Variants in C8orf88 observed in about 807,000 individuals in gnomAD.
C8orf88 encodes chromosome 8 open reading frame 88, also known as uncharacterized protein C8orf88.
A neutral mutation model predicts 18.4 loss-of-function variants in C8orf88; 14 were observed. The ratio of observed to expected loss-of-function variants is 0.76; its 90% CI spans 0.50 to 1.19. C8orf88 has a LOEUF of 1.19. Among genes scored for constraint, C8orf88 ranks in the 50% most tolerant of loss-of-function variants. The probability of loss-of-function intolerance (pLI) is 0.00; values close to 1 mark genes in which losing one functional copy is unlikely to be tolerated. For synonymous variants in C8orf88, 45 were observed against 42.9 expected, an observed-to-expected ratio of 1.05 and a Z score of -0.19; for missense variants, 116 against 134.7, an observed-to-expected ratio of 0.86 and a Z score of 0.69.
At chr8:90,982,563 G>A (rs561491209) in intron 1 of C8orf88, among the ~76,000 whole-genome samples, 1 of 152,148 alleles carries the variant, frequency 6.6e-6, no homozygotes, top group Admixed American at 6.5e-5. Flanking sequence ...ATTCAAACTA[G>A]GGATTTTCAA....
At chr8:90,984,148 A>T (rs1000331627) in intron 1 of C8orf88, among the ~76,000 whole-genome samples, 1 of 152,192 alleles carries the variant, frequency 6.6e-6, no homozygotes, top group Non-Finnish European at 1.5e-5. Flanking sequence ...TATAAATTCT[A>T]GTCTTCTTTG....
chr8:90,963,986 T>A lies in C8orf88; in HGVS notation c.224-3138A>T, dbSNP rs189326998. Among the ~76,000 whole-genome samples the A allele has an allele frequency of 1.7e-3, 259 of 151,766 alleles. 1 individual carries two copies. The highest frequency in any genetic ancestry group is 6.1e-3 in the African/African-American group (252 of 41,496). On this transcript the variant is annotated intron_variant, in intron 4 of 5. Coordinates refer to ENST00000517562, the MANE Select transcript of C8orf88 (RefSeq NM_001190972.2). ...GAAGTTCAACAAACTACAAATAGAA[T>A]GCAGACAACCCCCAACTTATGATGG...
At chr8:90,981,784 G>A (rs1228826174) in intron 1 of C8orf88, among the ~76,000 whole-genome samples, 1 of 152,040 alleles carries the variant, frequency 6.6e-6, no homozygotes, top group African/African-American at 2.4e-5. Context: ...ACTAAAATCT[G>A]ACACCTGTAT....
chr8:90,972,730 A>C (rs1811300146), intron 3 of C8orf88, among the ~76,000 whole-genome samples: 1 of 152,124 alleles, frequency 6.6e-6, no homozygotes, highest in Admixed American at 6.6e-5. Context: ...GAGTTTGGTG[A>C]CCAAGCCAAA....
At chr8:90,981,559 AATTCCTCCTTCCTTAC>A (rs1811435774) in intron 1 of C8orf88, among the ~76,000 whole-genome samples, 1 of 152,258 alleles carries the variant, frequency 6.6e-6, no homozygotes, top group South Asian at 2.1e-4. Flanking sequence ...CAATAATAAT[AATTCCTCCTTCCTTAC>A]ATTCCTCCTT....
chr8:90,974,602 T>C (rs1322147044), intron 3 of C8orf88, among the ~76,000 whole-genome samples: 3 of 152,114 alleles, frequency 2.0e-5, no homozygotes, highest in African/African-American at 7.2e-5. Flanking sequence ...TAAGCCAAAA[T>C]TTTCAAATAC....
intron 4 of C8orf88, among the ~76,000 whole-genome samples, chr8:90,961,467 G>C (rs1169956718): frequency 6.7e-6 from 1 of 150,048 alleles, no homozygotes; most frequent in Non-Finnish European, 1.5e-5. Flanking sequence ...TGTGCTAAAA[G>C]AAAAGAACGG....
intron 3 of C8orf88, among the ~76,000 whole-genome samples, chr8:90,976,459 AAAG>A (rs1336765068): frequency 6.6e-6 from 1 of 152,122 alleles, no homozygotes; most frequent in East Asian, 1.9e-4. Flanking sequence ...ATATAAAGTG[AAAG>A]AAGGTCAATG....
intron 3 of C8orf88, among the ~76,000 whole-genome samples, chr8:90,975,009 G>A (rs1307660493): frequency 1.3e-5 from 2 of 151,986 alleles, no homozygotes; most frequent in African/African-American, 4.8e-5. Flanking sequence ...CAACAGTATC[G>A]AAATATCTGA....
chr8:90,977,478 A>T (rs979220228), intron 3 of C8orf88, among the ~76,000 whole-genome samples: 1 of 152,172 alleles, frequency 6.6e-6, no homozygotes, highest in Non-Finnish European at 1.5e-5. Context: ...ATATAGAAAC[A>T]AGCGCCCATC....
At chr8:90,976,009 C>T (rs778255341) in intron 3 of C8orf88, among the ~76,000 whole-genome samples, 4 of 150,482 alleles carry the variant, frequency 2.7e-5, no homozygotes, top group Non-Finnish European at 5.9e-5. Flanking sequence ...GAACCCAGCA[C>T]CAAGGAATAT....
rs114194227 is a variant in C8orf88 at position 90,973,924 on chromosome 8, A to G, written c.148-2783T>C. 1.7e-3 allele frequency among the ~76,000 whole-genome samples: 259 copies of G among 152,274 alleles called. 1 individual carries two copies. The highest frequency in any genetic ancestry group is 6.1e-3 in the African/African-American group (252 of 41,568). ...CTAGAATGAAAAGTTAAAGTGTGAG[A>G]TTTCTAGGCAATATCAAAAGACAAA... is the stretch of plus-strand genomic sequence containing the variant. On this transcript the variant is annotated intron_variant, in intron 3 of 5. Transcript: ENST00000517562.
At chr8:90,962,344 A>G (rs1586159456) in intron 4 of C8orf88, among the ~76,000 whole-genome samples, 1 of 151,722 alleles carries the variant, frequency 6.6e-6, no homozygotes, top group South Asian at 2.1e-4. Flanking sequence ...AAATCAATAA[A>G]GAAGAAAACA....
At chr8:90,960,077 C>A (rs573152294) in intron 5 of C8orf88, among the ~76,000 whole-genome samples, 3 of 151,490 alleles carry the variant, frequency 2.0e-5, no homozygotes, top group East Asian at 3.9e-4. Context: ...ACTACCGGTA[C>A]ACAGAATGGA....
chr8:90,963,526 G>T (rs1011183155), intron 4 of C8orf88, among the ~76,000 whole-genome samples: 4 of 151,710 alleles, frequency 2.6e-5, no homozygotes, highest in African/African-American at 7.3e-5. Flanking sequence ...CTTGTGAAAG[G>T]CTTTCAATAT....
intron 5 of C8orf88, chr8:90,959,260 C>G: frequency 3.8e-6 from 1 of 259,824 alleles, no homozygotes; most frequent in Non-Finnish European, 7.2e-6. Context: ...ACCTGTTCTT[C>G]TGTTTCTGTG....
In C8orf88 at chr8:90,974,189, G is replaced by C. The variant is rs991447986; in HGVS notation, c.148-3048C>G. ...TCTGTATCTCCTTCACTTAAATCTTGGCAAAATCTATGACTGCTCCTACCA... is the reference window on the plus strand; with the variant it reads ...TCTGTATCTCCTTCACTTAAATCTTCGCAAAATCTATGACTGCTCCTACCA... On this transcript the variant is annotated intron_variant, in intron 3 of 5. Transcript: ENST00000517562. Among the ~76,000 whole-genome samples the C allele has an allele frequency of 1.4e-4, 21 of 152,134 alleles. No homozygotes were observed. The Middle Eastern group carries it at 0.01, about 74-fold the overall frequency.
intron 1 of C8orf88, among the ~76,000 whole-genome samples, chr8:90,984,123 A>G (rs1015907035): frequency 6.6e-6 from 1 of 152,194 alleles, no homozygotes; most frequent in Non-Finnish European, 1.5e-5. Context: ...GCTGAGTACT[A>G]TACTTAAACT....
chr8:90,972,418 A>T (rs1472705557), intron 3 of C8orf88, among the ~76,000 whole-genome samples: 4 of 116,044 alleles, frequency 3.4e-5, no homozygotes, highest in East Asian at 2.2e-4. Context: ...TCTAAAAATT[A>T]AAAAAAAAAA....
Sources: allele counts gnomAD v4.1 joint callset (sites outside exome capture counted in the v4.1 genomes callset), GRCh38; gene constraint gnomAD v4.1.1; transcripts MANE v1.5; gene names NCBI Gene and HGNC (gene_info 2026-07-23, HGNC 2026-07-21).